The following ZFYVE16 variants were observed in gnomAD, a reference collection of about 807,000 sequenced individuals.
The protein encoded by ZFYVE16 is zinc finger FYVE domain-containing protein 16.
Under a neutral mutation model 138.1 loss-of-function variants are expected in ZFYVE16, and 89 were observed. That is an observed-to-expected ratio of 0.64 (90% CI 0.54 to 0.77). ZFYVE16 has a LOEUF of 0.77. Ranked by LOEUF, ZFYVE16 falls within the 30% of genes least tolerant of loss-of-function variation. The pLI is 0.00. For missense variants in ZFYVE16, 1,793 were observed against 1,786.7 expected (o/e 1.00, Z -0.06); for synonymous variants, 596 against 618.3 (o/e 0.96, Z 0.53).
At position 80,436,902 on chromosome 5, in the gene ZFYVE16, T is replaced by A. The variant is rs750272204; in HGVS notation, c.217T>A (p.Tyr73Asn). 6.2e-7 allele frequency: 1 copy of A among 1,614,136 alleles called. No homozygotes were observed. The highest frequency in any genetic ancestry group is 1.7e-5 in the Admixed American group (1 of 60,030). ...TAGTTGTGCCTCATCAGAAACAAGC[T>A]ATGGAACAAATGAGAGTTCCCTGAA... is the stretch of plus-strand genomic sequence containing the variant. ...VNSCASSETS[Y>N]GTNESSLNEK... Residue 73 changes from tyrosine (Y) to asparagine (N), a missense_variant, in exon 4 of 19, where the codon TAT becomes AAT. By Grantham distance (143) the Tyr-to-Asn change is moderately radical. Coordinates refer to ENST00000505560, the MANE Select transcript of ZFYVE16 (RefSeq NM_001284236.3).
At position 80,434,123 on chromosome 5, in the gene ZFYVE16, A is replaced by G. The variant is rs1416417747; in HGVS notation, c.-25A>G. 2 of 1,603,830 alleles carry G rather than the reference A, an allele frequency of 1.2e-6. No individual in the cohort carries two copies. The highest frequency in any genetic ancestry group is 1.7e-6 in the Non-Finnish European group (2 of 1,173,936). On this transcript the variant is annotated 5_prime_UTR_variant, in exon 3 of 19. Coordinates refer to ENST00000505560, the MANE Select transcript of ZFYVE16 (RefSeq NM_001284236.3). ...CTATTTTTTAGGCATACAAGAATTA[A>G]ATTCTGAATAAGTCTGCAGGTAGGA... is the stretch of plus-strand genomic sequence containing the variant.
Position 80,437,973 on chromosome 5 carries a change from G to T in ZFYVE16, c.1288G>T (p.Glu430Ter). 6.2e-7 allele frequency: 1 copy of T among 1,613,960 alleles called. No homozygotes were observed. The highest frequency in any genetic ancestry group is 8.5e-7 in the Non-Finnish European group (1 of 1,179,942). Reference protein sequence around the residue: ...SVVLGGEPFKENDLLKQEKCK... With the variant: ...SVVLGGEPFK ...TGTTCTAGGTGGGGAACCATTCAAA[G>T]AGAATGATCTTTTGAAACAGGAAAA... is the stretch of plus-strand genomic sequence containing the variant. Residue 430 changes from glutamate (E) to a stop codon, truncating the protein, a stop_gained, in exon 4 of 19, where the codon GAG (glutamate) becomes TAG (stop). Coordinates refer to ENST00000505560, the MANE Select transcript of ZFYVE16 (RefSeq NM_001284236.3). LOFTEE classifies it high-confidence loss of function.
rs776496578 is a variant in ZFYVE16, at chr5:80,456,512, C to A, written c.3742C>A (p.His1248Asn). 41 of 1,612,918 alleles carry A rather than the reference C, an allele frequency of 2.5e-5. No individual in the cohort carries two copies. In the East Asian group the frequency reaches 9.2e-4, roughly 36 times the overall value. The change falls in exon 13 of 19, where the codon CAT becomes AAT. Residue 1248 changes from histidine (H) to asparagine (N), a missense_variant. By Grantham distance (68) the His-to-Asn change is moderately conservative. Transcript: ENST00000505560. ...TLHNIDQLLIHMEMGKSCIKI... is the reference protein window; with the variant it reads ...TLHNIDQLLINMEMGKSCIKI... ...GCATAATATAGATCAACTGTTGATT[C>A]ATATGGAAATGGGAAAAAGCTGCAT...
At chr5:80,435,800 C>G (rs568468880) in intron 3 of ZFYVE16, 1 of 380,374 alleles carries the variant, frequency 2.6e-6, no homozygotes, top group Admixed American at 3.0e-5. Context: ...GTCTTGAACT[C>G]CTGATCTCAA....
chr5:80,463,271 C>G (rs1167047728), intron 15 of ZFYVE16, among the ~76,000 whole-genome samples: 1 of 152,240 alleles, frequency 6.6e-6, no homozygotes, highest in Admixed American at 6.5e-5. Context: ...CCTCTGAAAT[C>G]TAGGTGGAGG....
At chr5:80,469,409 T>TAAA (rs928952315) in intron 15 of ZFYVE16, among the ~76,000 whole-genome samples, 1 of 147,168 alleles carries the variant, frequency 6.8e-6, no homozygotes, top group Admixed American at 6.8e-5. Context: ...CTTGGCTAAT[T>TAAA]AAAAAAAAAA....
chr5:80,448,420 T>C lies in ZFYVE16; in HGVS notation c.3103+16T>C, dbSNP rs1751626756. 1 of 1,460,736 alleles carries C rather than the reference T, an allele frequency of 6.8e-7. No homozygotes were observed. The highest frequency in any genetic ancestry group is 2.4e-5 in the East Asian group (1 of 42,390). 90.5% of individuals were successfully genotyped at this position (1,460,736 alleles called of 1,614,324 possible). A position where few individuals can be genotyped will look rare whatever the true frequency, so the allele number is the denominator to read the frequency against. On this transcript the variant is annotated intron_variant, in intron 8 of 18. Coordinates refer to ENST00000505560, the MANE Select transcript of ZFYVE16 (RefSeq NM_001284236.3). ...AAGGGATCAGGTAGGGAAGCAGTTA[T>C]TTAAATTTAAAAAGATTTAAAAATA... is the stretch of plus-strand genomic sequence containing the variant.
chr5:80,436,922 C>A lies in ZFYVE16; in HGVS notation c.237C>A (p.Ser79=). The A allele has an allele frequency of 6.2e-7, 1 of 1,613,892 alleles. No homozygotes were observed. The highest frequency in any genetic ancestry group is 2.2e-5 in the East Asian group (1 of 44,852). Residue 79 remains serine (S), a synonymous_variant, in exon 4 of 19, where the codon TCC becomes TCA. Transcript: ENST00000505560. ...CAAGCTATGGAACAAATGAGAGTTC[C>A]CTGAATGAAAAAACACTCAAGGGAC... The part of the protein sequence containing the change: ...SETSYGTNES[S]LNEKTLKGLT...
chr5:80,425,667 TTA>T (rs1253383690), intron 1 of ZFYVE16, among the ~76,000 whole-genome samples: 2 of 152,244 alleles, frequency 1.3e-5, no homozygotes, highest in African/African-American at 4.8e-5. Flanking sequence ...TGCTTTCTTT[TTA>T]TGTTATTTAA....
chr5:80,458,251 G>A (rs1461709746), intron 14 of ZFYVE16, among the ~76,000 whole-genome samples: 1 of 151,688 alleles, frequency 6.6e-6, no homozygotes, highest in Non-Finnish European at 1.5e-5. Context: ...TGTTGAATAG[G>A]TATATTTTTA....
intron 9 of ZFYVE16, among the ~76,000 whole-genome samples, chr5:80,450,141 C>T (rs1197637188): frequency 6.6e-6 from 1 of 152,152 alleles, no homozygotes; most frequent in East Asian, 1.9e-4. Context: ...ATCCTCACTA[C>T]TCCATAATGT....
intron 3 of ZFYVE16, among the ~76,000 whole-genome samples, chr5:80,436,366 A>G (rs1749907223): frequency 6.6e-6 from 1 of 152,226 alleles, no homozygotes; most frequent in Non-Finnish European, 1.5e-5. Flanking sequence ...AAGGACATCA[A>G]ATTATCAGAG....
chr5:80,436,216 C>T (rs1321973529), intron 3 of ZFYVE16, among the ~76,000 whole-genome samples: 2 of 152,164 alleles, frequency 1.3e-5, no homozygotes, highest in East Asian at 1.9e-4. Context: ...TGCCCATCAC[C>T]GTGGCCATAG....
Position 80,473,843 on chromosome 5 carries a change from T to C in ZFYVE16, c.4277T>C (p.Ile1426Thr), listed in dbSNP as rs149042145. 6.1e-5 allele frequency: 99 copies of C among 1,612,800 alleles called. No homozygotes were observed. In the African/African-American group the frequency reaches 7.3e-4, roughly 12 times the overall value. Residue 1426 changes from isoleucine (I) to threonine (T), a missense_variant, in exon 17 of 19, where the codon ATT becomes ACT. Coordinates refer to ENST00000505560, the MANE Select transcript of ZFYVE16 (RefSeq NM_001284236.3). ...GCAGATTTTGAAACCGATGAGAAGA[T>C]TGTAAAATGTACCGAGGTAACTAAG... ...LEADFETDEKIVKCTEVFYFL... is the reference protein window; with the variant it reads ...LEADFETDEKTVKCTEVFYFL...
Position 80,482,429 on chromosome 5 carries a change from G to A in ZFYVE16, c.*5052G>A, listed in dbSNP as rs1755305360. 1 of 152,086 alleles carries A rather than the reference G, an allele frequency of 6.6e-6. No homozygotes were observed. Among genetic ancestry groups the A allele is most frequent in the African/African-American group, 2.4e-5 (1 of 41,432 alleles). The allele number at this position is 152,086 out of a possible 1,614,324, so 9.4% of individuals were successfully genotyped here. ...CCTTTGGGGATCTGTGGGACAATATGAAACAGTCTAATATTCATGTCTTAG... is the reference window on the plus strand; with the variant it reads ...CCTTTGGGGATCTGTGGGACAATATAAAACAGTCTAATATTCATGTCTTAG... On this transcript the variant is annotated 3_prime_UTR_variant, in exon 19 of 19. Coordinates refer to ENST00000505560, the MANE Select transcript of ZFYVE16 (RefSeq NM_001284236.3).
intron 14 of ZFYVE16, among the ~76,000 whole-genome samples, chr5:80,458,032 TAAAA>T (rs749338847): frequency 2.2e-4 from 16 of 73,636 alleles, no homozygotes; most frequent in African/African-American, 5.5e-4. Context: ...AGACTACGTC[TAAAA>T]AAAAAAAAAA....
At chr5:80,447,766 T>A (rs944237109) in intron 7 of ZFYVE16, among the ~76,000 whole-genome samples, 1 of 152,188 alleles carries the variant, frequency 6.6e-6, no homozygotes, top group Non-Finnish European at 1.5e-5. Context: ...TTTTTTCCAA[T>A]CTTAATATTA....
chr5:80,465,987 G>A lies in ZFYVE16; in HGVS notation c.4024+6493G>A, dbSNP rs566641998. 5.9e-5 allele frequency among the ~76,000 whole-genome samples: 9 copies of A among 151,334 alleles called. No homozygotes were observed. The South Asian group carries it at 6.3e-4, about 11-fold the overall frequency. On this transcript the variant is annotated intron_variant, in intron 15 of 18. Transcript: ENST00000505560. ...ATTGCCCAAGCTTGAGTGCAATGGC[G>A]TGATCCTGACTTACTGCAACCTCCA...
At chr5:80,416,066 T>C (rs1292622621) in intron 1 of ZFYVE16, among the ~76,000 whole-genome samples, 1 of 152,174 alleles carries the variant, frequency 6.6e-6, no homozygotes, top group Non-Finnish European at 1.5e-5. Context: ...TCTCCCTTTC[T>C]GTATTCTTTA....
Sources: gnomAD v4.1 joint callset for allele counts (sites outside exome capture counted in the v4.1 genomes callset) on GRCh38, gnomAD v4.1.1 for gene constraint, MANE v1.5 for transcripts, NCBI Gene and HGNC (gene_info 2026-07-23, HGNC 2026-07-21) for gene names.